The following IFNA5 variants were observed in gnomAD, a reference collection of about 807,000 sequenced individuals.
IFNA5 encodes the protein interferon alpha 5.
For synonymous variants in IFNA5, 95 were observed against 77.6 expected (o/e 1.22, Z -1.18); for missense variants, 267 against 213.8 (o/e 1.25, Z -1.55).
chr9:21,304,617 A>T lies in IFNA5; in HGVS notation c.*70T>A. ...GGATATAGCAGAAATTAATATTTGA[A>T]ACGGCAGAACTCAAGAAGTGTGAAA... is the stretch of plus-strand genomic sequence containing the variant. On this transcript the variant is annotated 3_prime_UTR_variant, in exon 1 of 1. Coordinates refer to ENST00000610521, the MANE Select transcript of IFNA5 (RefSeq NM_002169.3). 6.7e-7 allele frequency: 1 copy of T among 1,491,398 alleles called. No individual in the cohort carries two copies. The highest frequency in any genetic ancestry group is 2.3e-5 in the East Asian group (1 of 44,180). The allele number at this position is 1,491,398 out of a possible 1,614,324, so 92.4% of individuals were successfully genotyped here.
In IFNA5 at chr9:21,304,864, G is replaced by A; in HGVS notation, c.393C>T (p.Asp131=). 1 of 1,614,174 alleles carries A rather than the reference G, an allele frequency of 6.2e-7. No homozygotes were observed. The highest frequency in any genetic ancestry group is 8.5e-7 in the Non-Finnish European group (1 of 1,180,032). ...TAGAGTCCACATTCATCAGAGGAGT[G>A]TCTTCCACTCCAACCTCCTGCATCA... ...ACMMQEVGVE[D]TPLMNVDSIL... is the part of the protein sequence containing the mutation. Residue 131 remains aspartate (D), a synonymous_variant, in exon 1 of 1, where the codon GAC becomes GAT. Transcript: ENST00000610521.
At position 21,304,486 on chromosome 9, in the gene IFNA5, A is replaced by T. The variant is rs1819809615; in HGVS notation, c.*201T>A. On this transcript the variant is annotated 3_prime_UTR_variant, in exon 1 of 1. Transcript: ENST00000610521. ...AGACAGATAGATAAATAGATAGAAT[A>T]GATAGATTGGCATGATCATCTGTAA... is the stretch of plus-strand genomic sequence containing the variant. The T allele has an allele frequency of 2.2e-6, 1 of 454,040 alleles. No individual in the cohort carries two copies. Among genetic ancestry groups the T allele is most frequent in the East Asian group, 4.1e-5 (1 of 24,132 alleles). The allele number at this position is 454,040 out of a possible 1,614,324, so 28.1% of individuals were successfully genotyped here. A position where few individuals can be genotyped will look rare whatever the true frequency, so the allele number is the denominator to read the frequency against.
At position 21,305,105 on chromosome 9, in the gene IFNA5, G is replaced by C. The variant is rs1819827474; in HGVS notation, c.152C>G (p.Ser51Cys). The C allele has an allele frequency of 1.2e-6, 2 of 1,614,204 alleles. No homozygotes were observed. Among genetic ancestry groups the C allele is most frequent in the East Asian group, 4.5e-5 (2 of 44,882 alleles). The change falls in exon 1 of 1, where the codon TCC (serine) becomes TGC (cysteine). Residue 51 changes from serine (S) to cysteine (C), a missense_variant. By Grantham distance (112) the Ser-to-Cys change is moderately radical. Coordinates refer to ENST00000610521, the MANE Select transcript of IFNA5 (RefSeq NM_002169.3). ...AAAGTCATGTCTGTCCTTCAGGCAG[G>C]AGAAAGGAGAGATTCTTCCCATTTG... Reference protein sequence around the residue: ...MAQMGRISPFSCLKDRHDFGF... With the variant: ...MAQMGRISPFCCLKDRHDFGF...
In IFNA5 at chr9:21,304,634, A is replaced by C; in HGVS notation, c.*53T>G. The C allele has an allele frequency of 6.5e-7, 1 of 1,531,312 alleles. No homozygotes were observed. The highest frequency in any genetic ancestry group is 8.8e-7 in the Non-Finnish European group (1 of 1,132,586). The allele number at this position is 1,531,312 out of a possible 1,614,324, so 94.9% of individuals were successfully genotyped here. ...ATATTTGAAACGGCAGAACTCAAGA[A>C]GTGTGAAATGGTGTACTAGTCAATG... On this transcript the variant is annotated 3_prime_UTR_variant, in exon 1 of 1. Transcript: ENST00000610521.
Position 21,304,736 on chromosome 9 carries a change from G to T in IFNA5, c.521C>A (p.Ser174Tyr). The stretch of plus-strand genomic sequence containing the variant: ...TTGCAAGTTTGCTGATAAAGAGAAG[G>T]ATCTCATGATTTCTGCTCTGACAAC... ...WEVVRAEIMRSFSLSANLQER... is the reference protein window; with the variant it reads ...WEVVRAEIMRYFSLSANLQER... Residue 174 changes from serine to tyrosine, a missense_variant, in exon 1 of 1, where the codon TCC becomes TAC. Ser to Tyr is a moderately radical substitution (Grantham distance 144, BLOSUM62 -2). Transcript: ENST00000610521. 6.2e-7 allele frequency: 1 copy of T among 1,613,476 alleles called. No individual in the cohort carries two copies. The highest frequency in any genetic ancestry group is 8.5e-7 in the Non-Finnish European group (1 of 1,179,910).
rs1410989328 is a variant in IFNA5 at position 21,304,642 on chromosome 9, A to G, written c.*45T>C. On this transcript the variant is annotated 3_prime_UTR_variant, in exon 1 of 1. Coordinates refer to ENST00000610521, the MANE Select transcript of IFNA5 (RefSeq NM_002169.3). ...AACGGCAGAACTCAAGAAGTGTGAA[A>G]TGGTGTACTAGTCAATGAGAATCAT... 1.3e-6 allele frequency: 2 copies of G among 1,555,646 alleles called. No homozygotes were observed. The highest frequency in any genetic ancestry group is 8.7e-7 in the Non-Finnish European group (1 of 1,146,628).
In IFNA5 at chr9:21,304,707, T is replaced by C. The variant is rs1299876831; in HGVS notation, c.550A>G (p.Arg184Gly). Reference sequence around the variant, plus strand: ...AGTTTTCATTCCTTCCTCCTTAATCTTTCTTGCAAGTTTGCTGATAAAGAG... The same window carrying C: ...AGTTTTCATTCCTTCCTCCTTAATCCTTCTTGCAAGTTTGCTGATAAAGAG... Reference protein sequence around the residue: ...SFSLSANLQERLRRKE With the variant: ...SFSLSANLQEGLRRKE Residue 184 changes from arginine to glycine, a missense_variant, in exon 1 of 1, where the codon AGA becomes GGA. Arg to Gly is a moderately radical substitution (Grantham distance 125). Coordinates refer to ENST00000610521, the MANE Select transcript of IFNA5 (RefSeq NM_002169.3). 2.5e-6 allele frequency: 4 copies of C among 1,613,048 alleles called. No individual in the cohort carries two copies. Among genetic ancestry groups the C allele is most frequent in the African/African-American group, 2.7e-5 (2 of 74,978 alleles).
Position 21,305,034 on chromosome 9 carries a change from G to T in IFNA5, c.223C>A (p.Gln75Lys), listed in dbSNP as rs759888184. 4.3e-6 allele frequency: 7 copies of T among 1,613,214 alleles called. No individual in the cohort carries two copies. Among genetic ancestry groups the T allele is most frequent in the Non-Finnish European group, 5.1e-6 (6 of 1,179,118 alleles). ...ATCTCATGGAGGACAGAGATGGCTT[G>T]AGCCTTCTGGAACTGGTTGCCATCA... ...EFDGNQFQKA[Q>K]AISVLHEMIQ... Residue 75 changes from glutamine (Q) to lysine (K), a missense_variant, in exon 1 of 1, where the codon CAA becomes AAA. Gln to Lys is a moderately conservative substitution (Grantham distance 53, BLOSUM62 1). Transcript: ENST00000610521.
In IFNA5 at chr9:21,304,776, G is replaced by A. The variant is rs747629817; in HGVS notation, c.481C>T (p.Pro161Ser). The change falls in exon 1 of 1, where the codon CCT becomes TCT. Residue 161 changes from proline (P) to serine (S), a missense_variant. Pro to Ser is a moderately conservative substitution (Grantham distance 74). Coordinates refer to ENST00000610521, the MANE Select transcript of IFNA5 (RefSeq NM_002169.3). ...TLYLTEKKYS[P>S]CAWEVVRAEI... Reference sequence around the variant, plus strand: ...GCTCTGACAACCTCCCATGCACAAGGGCTGTATTTCTTCTCTGTCAGATAG... The same window carrying A: ...GCTCTGACAACCTCCCATGCACAAGAGCTGTATTTCTTCTCTGTCAGATAG... 14 of 1,613,960 alleles carry A rather than the reference G, an allele frequency of 8.7e-6. 1 individual carries two copies. The South Asian group carries it at 1.3e-4, about 15-fold the overall frequency.
At position 21,305,270 on chromosome 9, in the gene IFNA5, G is replaced by A; in HGVS notation, c.-14C>T. 1 of 1,573,720 alleles carries A rather than the reference G, an allele frequency of 6.4e-7. No homozygotes were observed. The highest frequency in any genetic ancestry group is 8.6e-7 in the Non-Finnish European group (1 of 1,162,740). ...GGGCAAGGCCATTGGGGAGGTTGCA[G>A]ATGCTTCTGGGCTGTTGAGATTGAG... is the stretch of plus-strand genomic sequence containing the variant. On this transcript the variant is annotated 5_prime_UTR_variant, in exon 1 of 1. Transcript: ENST00000610521.
rs1337267691 is a variant in IFNA5, at chr9:21,304,490, A to G, written c.*197T>C. On this transcript the variant is annotated 3_prime_UTR_variant, in exon 1 of 1. Coordinates refer to ENST00000610521, the MANE Select transcript of IFNA5 (RefSeq NM_002169.3). ...AGATAGATAAATAGATAGAATAGATAGATTGGCATGATCATCTGTAAAGAT... is the reference window on the plus strand; with the variant it reads ...AGATAGATAAATAGATAGAATAGATGGATTGGCATGATCATCTGTAAAGAT... 5 of 472,946 alleles carry G rather than the reference A, an allele frequency of 1.1e-5. No individual in the cohort carries two copies. Among genetic ancestry groups the G allele is most frequent in the Admixed American group, 3.8e-5 (1 of 26,414 alleles). The allele number at this position is 472,946 out of a possible 1,614,324, so 29.3% of individuals were successfully genotyped here. A position where few individuals can be genotyped will look rare whatever the true frequency, so the allele number is the denominator to read the frequency against.
rs771241699 is a variant in IFNA5, at chr9:21,304,953, C to T, written c.304G>A (p.Glu102Lys). ...GTGTAGAATTTGTCTAGAAGTGTCT[C>T]ATCCCAAGTAGCAGATGAGTCCTTT... is the stretch of plus-strand genomic sequence containing the variant. ...STKDSSATWD[E>K]TLLDKFYTEL... Residue 102 changes from glutamate (E) to lysine (K), a missense_variant, in exon 1 of 1, where the codon GAG becomes AAG. Coordinates refer to ENST00000610521, the MANE Select transcript of IFNA5 (RefSeq NM_002169.3). 5.6e-6 allele frequency: 9 copies of T among 1,614,044 alleles called. No homozygotes were observed. In the African/African-American group the frequency reaches 6.7e-5, roughly 12 times the overall value.
chr9:21,305,278 T>C lies in IFNA5; in HGVS notation c.-22A>G. Reference sequence around the variant, plus strand: ...CCATTGGGGAGGTTGCAGATGCTTCTGGGCTGTTGAGATTGAGTGACCCTG... The same window carrying C: ...CCATTGGGGAGGTTGCAGATGCTTCCGGGCTGTTGAGATTGAGTGACCCTG... On this transcript the variant is annotated 5_prime_UTR_variant, in exon 1 of 1. Transcript: ENST00000610521. 2 of 1,553,070 alleles carry C rather than the reference T, an allele frequency of 1.3e-6. No homozygotes were observed. The highest frequency in any genetic ancestry group is 1.7e-6 in the Non-Finnish European group (2 of 1,153,650).
In IFNA5 at chr9:21,304,574, T is replaced by C. The variant is rs1208131899; in HGVS notation, c.*113A>G. The stretch of plus-strand genomic sequence containing the variant: ...ACACGTGTGAAACGTTTGAAAATTT[T>C]GATTCAACTCAAGTCATGGATATAG... On this transcript the variant is annotated 3_prime_UTR_variant, in exon 1 of 1. Transcript: ENST00000610521. 1 of 1,266,396 alleles carries C rather than the reference T, an allele frequency of 7.9e-7. No homozygotes were observed. The highest frequency in any genetic ancestry group is 2.4e-5 in the Admixed American group (1 of 42,470). The allele number at this position is 1,266,396 out of a possible 1,614,324, so 78.4% of individuals were successfully genotyped here. A position where few individuals can be genotyped will look rare whatever the true frequency, so the allele number is the denominator to read the frequency against.
chr9:21,304,979 G>C lies in IFNA5; in HGVS notation c.278C>G (p.Thr93Arg). Reference sequence around the variant, plus strand: ...ATCCCAAGTAGCAGATGAGTCCTTTGTGCTGAAGAGATTGAAGGTCTGCTG... The same window carrying C: ...ATCCCAAGTAGCAGATGAGTCCTTTCTGCTGAAGAGATTGAAGGTCTGCTG... ...MIQQTFNLFSTKDSSATWDET... is the reference protein window; with the variant it reads ...MIQQTFNLFSRKDSSATWDET... Residue 93 changes from threonine (T) to arginine (R), a missense_variant, in exon 1 of 1, where the codon ACA (threonine) becomes AGA (arginine). Coordinates refer to ENST00000610521, the MANE Select transcript of IFNA5 (RefSeq NM_002169.3). 1 of 1,614,172 alleles carries C rather than the reference G, an allele frequency of 6.2e-7. No homozygotes were observed. Among genetic ancestry groups the C allele is most frequent in the Non-Finnish European group, 8.5e-7 (1 of 1,180,028 alleles).
chr9:21,305,292 T>C lies in IFNA5; in HGVS notation c.-36A>G. 8 of 1,519,950 alleles carry C rather than the reference T, an allele frequency of 5.3e-6. No individual in the cohort carries two copies. The highest frequency in any genetic ancestry group is 7.1e-6 in the Non-Finnish European group (8 of 1,128,768). The allele number at this position is 1,519,950 out of a possible 1,614,324, so 94.2% of individuals were successfully genotyped here. A position where few individuals can be genotyped will look rare whatever the true frequency, so the allele number is the denominator to read the frequency against. ...GCAGATGCTTCTGGGCTGTTGAGAT[T>C]GAGTGACCCTGAACCTTGGGCTCTT... On this transcript the variant is annotated 5_prime_UTR_variant, in exon 1 of 1. Coordinates refer to ENST00000610521, the MANE Select transcript of IFNA5 (RefSeq NM_002169.3).
Position 21,304,452 on chromosome 9 carries a change from A to G in IFNA5, c.*235T>C, listed in dbSNP as rs1291308104. ...ATAAATAAATATTTAAATAGATTAGATAGAAGACAGACAGATAGATAAATA... is the reference window on the plus strand; with the variant it reads ...ATAAATAAATATTTAAATAGATTAGGTAGAAGACAGACAGATAGATAAATA... On this transcript the variant is annotated 3_prime_UTR_variant, in exon 1 of 1. Transcript: ENST00000610521. 2 of 231,858 alleles carry G rather than the reference A, an allele frequency of 8.6e-6. No homozygotes were observed. Among genetic ancestry groups the G allele is most frequent in the Admixed American group, 1.1e-4 (2 of 18,180 alleles). 14.4% of individuals were successfully genotyped at this position (231,858 alleles called of 1,614,324 possible). A position where few individuals can be genotyped will look rare whatever the true frequency, so the allele number is the denominator to read the frequency against.
In IFNA5 at chr9:21,305,167, G is replaced by C; in HGVS notation, c.90C>G (p.His30Gln). The C allele has an allele frequency of 6.2e-7, 1 of 1,614,052 alleles. No individual in the cohort carries two copies. The highest frequency in any genetic ancestry group is 1.1e-5 in the South Asian group (1 of 91,056). The change falls in exon 1 of 1, where the codon CAC (histidine) becomes CAG (glutamine). Residue 30 changes from histidine to glutamine, a missense_variant. Coordinates refer to ENST00000610521, the MANE Select transcript of IFNA5 (RefSeq NM_002169.3). Reference protein sequence around the residue: ...CSLGCDLPQTHSLSNRRTLMI... With the variant: ...CSLGCDLPQTQSLSNRRTLMI... ...TCAAAGTCCTCCTGTTACTCAGGCT[G>C]TGGGTCTGAGGCAGATCACAGCCCA...
In IFNA5 at chr9:21,304,545, C is replaced by G; in HGVS notation, c.*142G>C. 1.1e-6 allele frequency: 1 copy of G among 915,040 alleles called. No homozygotes were observed. Among genetic ancestry groups the G allele is most frequent in the Admixed American group, 2.7e-5 (1 of 36,960 alleles). The allele number at this position is 915,040 out of a possible 1,614,324, so 56.7% of individuals were successfully genotyped here. ...TCCCTGTGGAGCTAAAGAAGTGTTG[C>G]TTAACACGTGTGAAACGTTTGAAAA... On this transcript the variant is annotated 3_prime_UTR_variant, in exon 1 of 1. Transcript: ENST00000610521.
Sources: gnomAD v4.1 joint callset for allele counts on GRCh38, gnomAD v4.1.1 for gene constraint, MANE v1.5 for transcripts, NCBI Gene and HGNC (gene_info 2026-07-23, HGNC 2026-07-21) for gene names.